The following TLR6 variants were observed in gnomAD, a reference collection of about 807,000 sequenced individuals.
TLR6 encodes toll-like receptor 6.
Under a neutral mutation model 16.1 loss-of-function variants are expected in TLR6, and 9 were observed. That is an observed-to-expected ratio of 0.56 (90% CI 0.34 to 0.98). The LOEUF (loss-of-function observed/expected upper bound fraction) is 0.98, where lower values mean the gene tolerates loss of function less well. Ranked by LOEUF, TLR6 falls within the 50% of genes least tolerant of loss-of-function variation. The pLI is 0.02. For synonymous variants in TLR6, 340 were observed against 338.6 expected (o/e 1.00, Z -0.04); for missense variants, 786 against 921.0 (o/e 0.85, Z 1.90).
the TLR6 span, chr4:38,868,196 C>T: frequency 1.0e-5 from 2 of 194,258 alleles, no homozygotes; most frequent in Non-Finnish European, 2.3e-5. Flanking sequence ...CCAGTCCTGG[C>T]ACCAAGCAAG....
At chr4:38,863,813 C>T in the TLR6 span, among the ~76,000 whole-genome samples, 1 of 152,146 alleles carries the variant, frequency 6.6e-6, no homozygotes, top group Non-Finnish European at 1.5e-5. Context: ...CCTTCTCTCC[C>T]CTCCCACCTT....
chr4:38,858,863 GAA>G (rs1713122129), upstream of TLR6, among the ~76,000 whole-genome samples: 1 of 134,638 alleles, frequency 7.4e-6, no homozygotes, highest in Non-Finnish European at 1.6e-5. Context: ...AAGAAAGAAA[GAA>G]AGAAAGAAAG....
At chr4:38,836,330 A>G (rs924347560) in intron 1 of TLR6, among the ~76,000 whole-genome samples, 1 of 152,200 alleles carries the variant, frequency 6.6e-6, no homozygotes, top group Non-Finnish European at 1.5e-5. Flanking sequence ...ATAAAAGATC[A>G]TTGGAGGCAA....
At chr4:38,846,300 C>G (rs1186107236) in intron 1 of TLR6, among the ~76,000 whole-genome samples, 1 of 151,930 alleles carries the variant, frequency 6.6e-6, no homozygotes, top group Non-Finnish European at 1.5e-5. Context: ...TAATACTCAA[C>G]TAAACAGAAA....
chr4:38,846,715 C>T (rs554175855), intron 1 of TLR6, among the ~76,000 whole-genome samples: 4 of 151,462 alleles, frequency 2.6e-5, no homozygotes, highest in East Asian at 1.9e-4. Context: ...ATAGAAATCT[C>T]GAGCTAAAAA....
intron 1 of TLR6, among the ~76,000 whole-genome samples, chr4:38,839,750 G>A (rs1027570111): frequency 3.3e-5 from 5 of 152,208 alleles, no homozygotes; most frequent in African/African-American, 1.2e-4. Context: ...AATGATCCCT[G>A]ACTGGTAAAT....
chr4:38,840,277 A>G, intron 1 of TLR6, among the ~76,000 whole-genome samples: 1 of 152,240 alleles, frequency 6.6e-6, no homozygotes, highest in African/African-American at 2.4e-5. Context: ...TTAAAGTTGC[A>G]TTTGCCTAAA....
At chr4:38,863,772 A>G in the TLR6 span, among the ~76,000 whole-genome samples, 2 of 152,146 alleles carry the variant, frequency 1.3e-5, no homozygotes, top group South Asian at 2.1e-4. Flanking sequence ...GATAACTGCA[A>G]TGGCATCCTA....
At chr4:38,837,881 A>C (rs1340776758) in intron 1 of TLR6, among the ~76,000 whole-genome samples, 1 of 152,226 alleles carries the variant, frequency 6.6e-6, no homozygotes, top group Non-Finnish European at 1.5e-5. Context: ...TATACAAAGA[A>C]CTCAAACAAC....
chr4:38,827,045 T>C, exon 2 of TLR6: 1 of 1,458,404 alleles, frequency 6.9e-7, no homozygotes. Context: ...ATCATCCAAG[T>C]AAATAATGGT....
the TLR6 span, among the ~76,000 whole-genome samples, chr4:38,862,930 T>TA: frequency 0.14 from 11,620 of 82,992 alleles, 1,884 homozygotes; most frequent in African/African-American, 0.4. Context: ...TTCTCCCATC[T>TA]AAAAAAAAAA....
At chr4:38,865,806 A>G in the TLR6 span, among the ~76,000 whole-genome samples, 26,450 of 152,226 alleles carry the variant, frequency 0.17, 2,682 homozygotes, top group Middle Eastern at 0.4. Flanking sequence ...GTTTCCACCC[A>G]CTCTCACATT....
At chr4:38,845,180 A>G (rs1416380309) in intron 1 of TLR6, among the ~76,000 whole-genome samples, 1 of 152,190 alleles carries the variant, frequency 6.6e-6, no homozygotes, top group East Asian at 1.9e-4. Context: ...ATCTCTATCT[A>G]TCTATTAAAG....
At chr4:38,828,616 T>C in exon 2 of TLR6, 1 of 1,613,930 alleles carries the variant, frequency 6.2e-7, no homozygotes, top group Non-Finnish European at 8.5e-7. Flanking sequence ...CAATTATTGT[T>C]AAATTGTAAA....
exon 2 of TLR6, chr4:38,824,180 A>T (rs902117360): frequency 6.6e-6 from 1 of 151,622 alleles, no homozygotes; most frequent in Non-Finnish European, 1.5e-5. Context: ...TCATCCCACG[A>T]GTTTTTACTG....
At chr4:38,840,143 G>A (rs978883113) in intron 1 of TLR6, among the ~76,000 whole-genome samples, 5 of 152,204 alleles carry the variant, frequency 3.3e-5, no homozygotes, top group African/African-American at 1.2e-4. Flanking sequence ...GCATTTGTCA[G>A]AAAATTCAGT....
upstream of TLR6, among the ~76,000 whole-genome samples, chr4:38,858,879 GA>G (rs1314233689): frequency 1.0e-5 from 1 of 99,852 alleles, no homozygotes; most frequent in African/African-American, 4.0e-5. Flanking sequence ...AAGAAAGAAA[GA>G]AAGAAAGAGA....
chr4:38,828,082 G>A (rs372453464), exon 2 of TLR6: 39 of 1,614,102 alleles, frequency 2.4e-5, no homozygotes, highest in East Asian at 4.5e-5. Flanking sequence ...GTTTAGGAAC[G>A]CTCTTTATTT....
chr4:38,833,705 A>C (rs1424181161), intron 1 of TLR6, among the ~76,000 whole-genome samples: 1 of 152,220 alleles, frequency 6.6e-6, no homozygotes, highest in Non-Finnish European at 1.5e-5. Context: ...TCTCAACAAA[A>C]AGAAAATCTA....
Sources: allele counts gnomAD v4.1 joint callset (sites outside exome capture counted in the v4.1 genomes callset), GRCh38; gene constraint gnomAD v4.1.1; transcripts MANE v1.5; gene names NCBI Gene and HGNC (gene_info 2026-07-23, HGNC 2026-07-21).